The following LIPI variants were observed in gnomAD, a reference collection of about 807,000 sequenced individuals.
The protein encoded by LIPI is lipase member I.
A neutral mutation model predicts 50.6 loss-of-function variants in LIPI; 59 were observed. The ratio of observed to expected loss-of-function variants is 1.16; its 90% CI spans 0.94 to 1.45. The LOEUF is 1.45. Among genes scored for constraint, LIPI ranks in the 40% most tolerant of loss-of-function variants. The pLI is 0.00. For synonymous variants in LIPI, 203 were observed against 178.2 expected (o/e 1.14, Z -1.11); for missense variants, 586 against 536.3 (o/e 1.09, Z -0.92).
At chr21:14,209,743 T>C (rs2020317689) in intron 1 of LIPI, among the ~76,000 whole-genome samples, 1 of 152,070 alleles carries the variant, frequency 6.6e-6, no homozygotes, top group Non-Finnish European at 1.5e-5. Flanking sequence ...AAATAAGTTT[T>C]TAATGTAAAC....
intron 4 of LIPI, among the ~76,000 whole-genome samples, chr21:14,173,633 A>G (rs531480569): frequency 5.9e-5 from 9 of 152,360 alleles, no homozygotes; most frequent in Non-Finnish European, 1.3e-4. Flanking sequence ...TAATAGATTT[A>G]GCATAAAACA....
At chr21:14,175,904 C>A (rs940229058) in intron 4 of LIPI, among the ~76,000 whole-genome samples, 2 of 152,018 alleles carry the variant, frequency 1.3e-5, no homozygotes, top group Admixed American at 6.6e-5. Context: ...GTGGGCCGGG[C>A]GCGGTGGCTC....
Position 14,158,695 on chromosome 21 carries a change from T to C in LIPI, c.1006+4724A>G, listed in dbSNP as rs1015512173. Among the ~76,000 whole-genome samples the C allele has an allele frequency of 4.0e-5, 6 of 149,458 alleles. No homozygotes were observed. The Admixed American group carries it at 4.0e-4, about 10-fold the overall frequency. ...TTAATAACAGAACATGATAGAAAAT[T>C]AAACAAAAATCTGATTCTTGAATAA... On this transcript the variant is annotated intron_variant, in intron 7 of 9. Coordinates refer to ENST00000681601, the MANE Select transcript of LIPI (RefSeq NM_001302998.2).
chr21:14,120,160 G>A (rs2016809634), intron 9 of LIPI, among the ~76,000 whole-genome samples: 1 of 152,146 alleles, frequency 6.6e-6, no homozygotes. Flanking sequence ...AGACTTAAAG[G>A]ATCAACCCTT....
intron 8 of LIPI, among the ~76,000 whole-genome samples, chr21:14,149,546 CAA>C (rs2018015895): frequency 6.6e-6 from 1 of 152,130 alleles, no homozygotes; most frequent in Non-Finnish European, 1.5e-5. Context: ...AGTCCAAGTC[CAA>C]AGTCTCATTT....
intron 9 of LIPI, among the ~76,000 whole-genome samples, chr21:14,119,344 G>T (rs981636550): frequency 2.0e-5 from 3 of 152,202 alleles, no homozygotes; most frequent in Non-Finnish European, 2.9e-5. Flanking sequence ...GCTGTGGAAA[G>T]CTGGCTATAA....
Position 14,139,359 on chromosome 21 carries a change from T to C in LIPI, c.1295+5264A>G, listed in dbSNP as rs559350757. On this transcript the variant is annotated intron_variant, in intron 9 of 9. Coordinates refer to ENST00000681601, the MANE Select transcript of LIPI (RefSeq NM_001302998.2). ...TTTTTTTACAGTTTGGGAAGAGATATATTATGTCTCATAGCCTTCAATTGG... is the reference window on the plus strand; with the variant it reads ...TTTTTTTACAGTTTGGGAAGAGATACATTATGTCTCATAGCCTTCAATTGG... Among the ~76,000 whole-genome samples the C allele has an allele frequency of 3.3e-5, 5 of 152,282 alleles. No individual in the cohort carries two copies. In the East Asian group the frequency reaches 9.6e-4, roughly 29 times the overall value.
chr21:14,132,565 C>A (rs769492090), intron 9 of LIPI, among the ~76,000 whole-genome samples: 2 of 152,052 alleles, frequency 1.3e-5, no homozygotes, highest in Non-Finnish European at 2.9e-5. Flanking sequence ...ACAGGAAATG[C>A]TCAAAGGGAT....
At chr21:14,141,646 G>C (rs373386272) in intron 9 of LIPI, among the ~76,000 whole-genome samples, 1 of 144,508 alleles carries the variant, frequency 6.9e-6, no homozygotes, top group South Asian at 2.2e-4. Context: ...GTTTTGTTGT[G>C]TTTTTCTTGT....
rs750953758 is a variant in LIPI, at chr21:14,109,059, A to C, written c.1317T>G (p.Asn439Lys). 1 of 1,596,452 alleles carries C rather than the reference A, an allele frequency of 6.3e-7. No homozygotes were observed. Among genetic ancestry groups the C allele is most frequent in the Non-Finnish European group, 8.6e-7 (1 of 1,164,418 alleles). ...YPERPPLCRY[N>K]IVLKDREEVF... ...CTTCCTCTCTGTCTTTAAGTACAAT[A>C]TTATACCTGCAAAGTGGTGGTCTGA... The change falls in exon 10 of 10, where the codon AAT becomes AAG. Residue 439 changes from asparagine (N) to lysine (K), a missense_variant. Asn to Lys is a moderately conservative substitution (Grantham distance 94, BLOSUM62 0). Transcript: ENST00000681601.
chr21:14,197,160 T>C (rs1275561768), intron 1 of LIPI, among the ~76,000 whole-genome samples: 3 of 151,696 alleles, frequency 2.0e-5, no homozygotes, highest in Admixed American at 2.0e-4. Context: ...ATTTATACTA[T>C]TTTAAATATA....
intron 5 of LIPI, 75 bp from the exon 6 acceptor site, chr21:14,165,465 A>T (rs2018648442): frequency 8.7e-7 from 1 of 1,155,386 alleles, no homozygotes; most frequent in African/African-American, 1.5e-5. Context: ...AACAAAGTAA[A>T]GATGAAGTTT....
rs2019435127 is a variant in LIPI at position 14,185,878 on chromosome 21, G to A, written c.541+83C>T. 4.1e-6 allele frequency: 3 copies of A among 740,660 alleles called. No homozygotes were observed. In the East Asian group the frequency reaches 8.5e-5, roughly 21 times the overall value. 45.9% of individuals were successfully genotyped at this position (740,660 alleles called of 1,614,324 possible). ...AGCCTGGGCAACAGAGCGAGACTCT[G>A]TCTCAAAAAAAAAAAAATTAGCAAA... On this transcript the variant is annotated intron_variant, in intron 3 of 9. Transcript: ENST00000681601.
chr21:14,187,241 A>C (rs576730981), intron 2 of LIPI, among the ~76,000 whole-genome samples: 2 of 152,240 alleles, frequency 1.3e-5, no homozygotes, highest in East Asian at 3.9e-4. Flanking sequence ...ACTACATGAG[A>C]GTGTACTTCC....
At chr21:14,170,695 G>C (rs2018865875) in intron 4 of LIPI, among the ~76,000 whole-genome samples, 1 of 151,910 alleles carries the variant, frequency 6.6e-6, no homozygotes, top group East Asian at 1.9e-4. Flanking sequence ...CAATAAATTA[G>C]GTATTGATGG....
intron 9 of LIPI, among the ~76,000 whole-genome samples, chr21:14,143,264 G>A (rs2017779656): frequency 6.6e-6 from 1 of 151,996 alleles, no homozygotes; most frequent in African/African-American, 2.4e-5. Flanking sequence ...ACTTTCATAG[G>A]GAATGATATT....
At chr21:14,162,265 A>C (rs1284707224) in intron 7 of LIPI, among the ~76,000 whole-genome samples, 2 of 151,508 alleles carry the variant, frequency 1.3e-5, no homozygotes, top group Admixed American at 1.3e-4. Context: ...TTTATATAAC[A>C]ATCTTGAAAT....
rs1467668504 is a variant in LIPI, at chr21:14,171,989, G to A, written c.644-5538C>T. 6.6e-5 allele frequency among the ~76,000 whole-genome samples: 10 copies of A among 151,378 alleles called. 1 individual carries two copies. The South Asian group carries it at 1.3e-3, about 19-fold the overall frequency. On this transcript the variant is annotated intron_variant, in intron 4 of 9. Coordinates refer to ENST00000681601, the MANE Select transcript of LIPI (RefSeq NM_001302998.2). Reference sequence around the variant, plus strand: ...TCATCTGACAAAGGGCTAATATCCAGAATCTACAATGAACTCAAACAAATT... The same window carrying A: ...TCATCTGACAAAGGGCTAATATCCAAAATCTACAATGAACTCAAACAAATT...
intron 8 of LIPI, among the ~76,000 whole-genome samples, chr21:14,146,772 A>ATTTTTTTTTTTTTTTTTTTTTTTT (rs3048482): frequency 1.4e-5 from 1 of 73,372 alleles, no homozygotes; most frequent in African/African-American, 6.1e-5. Context: ...CCCAGTCTCT[A>ATTTTTTTTTTTTTTTTTTTTTTTT]TTTTTTTTTT....
Sources: allele counts gnomAD v4.1 joint callset (sites outside exome capture counted in the v4.1 genomes callset), GRCh38; gene constraint gnomAD v4.1.1; transcripts MANE v1.5; gene names NCBI Gene and HGNC (gene_info 2026-07-23, HGNC 2026-07-21).